VPS13C: variants seen among roughly 807,000 people sequenced by gnomAD.
VPS13C encodes vacuolar protein sorting 13 homolog C.
A neutral mutation model predicts 456.8 loss-of-function variants in VPS13C; 358 were observed. That is an observed-to-expected ratio of 0.78 (90% CI 0.72 to 0.86). The LOEUF is 0.86. Among genes scored for constraint, VPS13C ranks in the 40% least tolerant of loss-of-function variants. The pLI, the probability that VPS13C is intolerant of heterozygous loss-of-function variation, is 0.00. For synonymous variants in VPS13C, 1,578 were observed against 1,486.7 expected (o/e 1.06, Z -1.41); for missense variants, 4,818 against 4,385.4 (o/e 1.10, Z -2.79).
At position 61,858,038 on chromosome 15, in the gene VPS13C, C is replaced by G. The variant is rs188577430; in HGVS notation, c.10953-1629G>C. ...ACCACCATACATTTCCAAACAGTCT[C>G]CACTGCCCACACTCCCGGCCCCAGT... On this transcript the variant is annotated intron_variant, in intron 82 of 84. Coordinates refer to ENST00000644861, the MANE Select transcript of VPS13C (RefSeq NM_020821.3). The surrounding 1 kb of genome is among the most constrained non-coding windows in gnomAD (Gnocchi z 4.4). Among the ~76,000 whole-genome samples the G allele has an allele frequency of 8.7e-4, 132 of 152,288 alleles. No individual in the cohort carries two copies. The highest frequency in any genetic ancestry group is 3.0e-3 in the African/African-American group (123 of 41,558).
chr15:61,898,548 G>A (rs2042902103), intron 66 of VPS13C, among the ~76,000 whole-genome samples: 1 of 152,236 alleles, frequency 6.6e-6, no homozygotes, highest in South Asian at 2.1e-4. Context: ...AACAAGAAGA[G>A]CTAACTTTCC....
chr15:61,976,676 T>C (rs1367771473), intron 24 of VPS13C, among the ~76,000 whole-genome samples: 1 of 152,074 alleles, frequency 6.6e-6, no homozygotes, highest in African/African-American at 2.4e-5. Flanking sequence ...TATAGCTGTT[T>C]TTTAAAAACA....
At chr15:61,917,759 G>T in intron 59 of VPS13C, 124 bp from the exon 60 acceptor site, 2 of 1,079,054 alleles carry the variant, frequency 1.9e-6, no homozygotes, top group Non-Finnish European at 2.5e-6. Context: ...CAGATATACA[G>T]ATGAGGAAAC....
intron 71 of VPS13C, 151 bp from the exon 72 acceptor site, chr15:61,881,105 G>A (rs1017305414): frequency 1.3e-5 from 9 of 674,562 alleles, no homozygotes; most frequent in Non-Finnish European, 2.2e-5. Flanking sequence ...TTCTTAGATT[G>A]AGACTTTTTC....
chr15:61,952,317 C>G (rs1413074944), intron 38 of VPS13C, among the ~76,000 whole-genome samples: 1 of 152,140 alleles, frequency 6.6e-6, no homozygotes, highest in Non-Finnish European at 1.5e-5. Flanking sequence ...TCCCTGGCCT[C>G]TACCTACCAG....
At position 61,919,371 on chromosome 15, in the gene VPS13C, T is replaced by A. The variant is rs765726489; in HGVS notation, c.7556A>T (p.Asn2519Ile). ...GRRLYNVRNP[N>I]ASHSDSVLVQ... ...CAAGACAGAGTCAGAATGACTGGCATTGGGATTCCGTACATTATACAATCG... is the reference window on the plus strand; with the variant it reads ...CAAGACAGAGTCAGAATGACTGGCAATGGGATTCCGTACATTATACAATCG... Residue 2519 changes from asparagine to isoleucine, a missense_variant, in exon 58 of 85, where the codon AAT becomes ATT. Transcript: ENST00000644861. 5 of 1,604,840 alleles carry A rather than the reference T, an allele frequency of 3.1e-6. No homozygotes were observed. In the African/African-American group the frequency reaches 6.7e-5, roughly 22 times the overall value.
At chr15:62,010,271 C>T (rs1007648000) in intron 13 of VPS13C, among the ~76,000 whole-genome samples, 26 of 152,100 alleles carry the variant, frequency 1.7e-4, no homozygotes, top group Non-Finnish European at 8.8e-5. Flanking sequence ...ATTCTCCACA[C>T]TTTAGGAAAA....
At chr15:62,003,310 G>C (rs1025941595) in intron 15 of VPS13C, among the ~76,000 whole-genome samples, 1 of 150,780 alleles carries the variant, frequency 6.6e-6, no homozygotes, top group Non-Finnish European at 1.5e-5. Context: ...TCATGATTTG[G>C]CTCTCCGTTT....
At chr15:62,028,190 A>G (rs1349039777) in intron 6 of VPS13C, among the ~76,000 whole-genome samples, 168 bp downstream of exon 6, 1 of 152,108 alleles carries the variant, frequency 6.6e-6, no homozygotes, top group Non-Finnish European at 1.5e-5. Context: ...GTAAATGAAT[A>G]AACGACTACA....
At chr15:61,989,355 C>T (rs775650104) in intron 18 of VPS13C, among the ~76,000 whole-genome samples, 1 of 151,814 alleles carries the variant, frequency 6.6e-6, no homozygotes, top group Non-Finnish European at 1.5e-5. Flanking sequence ...AAGCCAAGAT[C>T]GTGCCACTGC....
intron 15 of VPS13C, among the ~76,000 whole-genome samples, chr15:62,006,378 G>C (rs1405095823): frequency 5.9e-5 from 9 of 152,036 alleles, no homozygotes; most frequent in Admixed American, 5.9e-4. Context: ...CCTTGCGATA[G>C]TTTGCTGAGA....
chr15:61,870,921 T>C (rs1408055701), intron 79 of VPS13C, among the ~76,000 whole-genome samples: 1 of 152,190 alleles, frequency 6.6e-6, no homozygotes, highest in Non-Finnish European at 1.5e-5. Context: ...TTTGGAGAAA[T>C]GTCTATTCAT....
chr15:62,014,082 G>T, intron 9 of VPS13C, 90 bp from the exon 10 acceptor site: 1 of 890,464 alleles, frequency 1.1e-6, no homozygotes, highest in South Asian at 2.2e-5. Context: ...AATAATTTAG[G>T]AAGAAATGAC....
At chr15:61,864,780 T>A in intron 81 of VPS13C, 1 of 985,340 alleles carries the variant, frequency 1.0e-6, no homozygotes, top group Non-Finnish European at 1.2e-6. Context: ...AATTCACTTG[T>A]GCGAATTAGT....
chr15:61,956,638 A>G (rs2045008534), intron 37 of VPS13C, among the ~76,000 whole-genome samples: 1 of 152,176 alleles, frequency 6.6e-6, no homozygotes, highest in African/African-American at 2.4e-5. Flanking sequence ...AAATAGTTGT[A>G]TGATAGAATG....
intron 66 of VPS13C, among the ~76,000 whole-genome samples, chr15:61,899,559 C>A (rs2042934299): frequency 6.7e-6 from 1 of 150,292 alleles, no homozygotes; most frequent in Non-Finnish European, 1.5e-5. Flanking sequence ...AAGACTAAAC[C>A]AGGAAGAAGT....
In VPS13C at chr15:61,886,478, C is replaced by T. The variant is rs188335660; in HGVS notation, c.9342-2209G>A. On this transcript the variant is annotated intron_variant, in intron 67 of 84. Coordinates refer to ENST00000644861, the MANE Select transcript of VPS13C (RefSeq NM_020821.3). Reference sequence around the variant, plus strand: ...TCACTTTTCTCTTGTTTTGATATGACGGATATATATCAGTAAAATAAAAAA... The same window carrying T: ...TCACTTTTCTCTTGTTTTGATATGATGGATATATATCAGTAAAATAAAAAA... 6.5e-3 allele frequency among the ~76,000 whole-genome samples: 992 copies of T among 151,948 alleles called. 11 individuals carry two copies. The highest frequency in any genetic ancestry group is 0.024 in the Middle Eastern group (7 of 294).
At chr15:61,871,606 T>C (rs1039826604) in intron 79 of VPS13C, among the ~76,000 whole-genome samples, 1 of 152,086 alleles carries the variant, frequency 6.6e-6, no homozygotes, top group African/African-American at 2.4e-5. Flanking sequence ...GGAATGGCCA[T>C]ATAAATTTTG....
chr15:61,882,780 C>T (rs201009603), intron 68 of VPS13C, 44 bp from the exon 69 acceptor site: 140 of 1,498,976 alleles, frequency 9.3e-5, no homozygotes, highest in Middle Eastern at 1.8e-4. Flanking sequence ...GATATTAGCA[C>T]AGTAGCTATT....
Sources: gnomAD v4.1 joint callset for allele counts (sites outside exome capture counted in the v4.1 genomes callset) on GRCh38, gnomAD v4.1.1 for gene constraint, Gnocchi (gnomAD v3.1) non-coding constraint, MANE v1.5 for transcripts, NCBI Gene and HGNC (gene_info 2026-07-23, HGNC 2026-07-21) for gene names.